The following GPC6 variants were observed in gnomAD, a reference collection of about 807,000 sequenced individuals.
The protein encoded by GPC6 is glypican 6, also known as glypican-6.
Under a neutral mutation model 55.2 loss-of-function variants are expected in GPC6, and 14 were observed. That is an observed-to-expected ratio of 0.25 (90% CI 0.17 to 0.40). GPC6 has a LOEUF of 0.40. GPC6 is among the 10% of genes least tolerant of loss of function. GPC6 has a pLI of 1.00. For synonymous variants in GPC6, 278 were observed against 259.6 expected (o/e 1.07, Z -0.68); for missense variants, 641 against 708.5 (o/e 0.90, Z 1.08).
intron 2 of GPC6, among the ~76,000 whole-genome samples, chr13:93,775,394 G>A (rs774593374): frequency 2.6e-5 from 4 of 152,162 alleles, no homozygotes; most frequent in Admixed American, 6.6e-5. Flanking sequence ...AGTCATCTAG[G>A]TTTTAGGTTT....
At chr13:94,209,466 T>A (rs1890007470) in intron 4 of GPC6, among the ~76,000 whole-genome samples, 1 of 152,306 alleles carries the variant, frequency 6.6e-6, no homozygotes, top group South Asian at 2.1e-4. Context: ...TAAATCTATA[T>A]TTAGTCAGTG....
At chr13:93,350,121 TC>T (rs1397461595) in intron 1 of GPC6, among the ~76,000 whole-genome samples, 1 of 152,208 alleles carries the variant, frequency 6.6e-6, no homozygotes, top group East Asian at 1.9e-4. Context: ...TATAATCAAA[TC>T]ATTTTTGGTT....
At chr13:94,387,766 G>C (rs867588385) in intron 7 of GPC6, among the ~76,000 whole-genome samples, 8 of 61,422 alleles carry the variant, frequency 1.3e-4, no homozygotes, top group Middle Eastern at 8.1e-3. Flanking sequence ...CTCTCTCTCT[G>C]CCGTGTGAGG....
At chr13:93,584,852 C>T (rs537483932) in intron 2 of GPC6, among the ~76,000 whole-genome samples, 5 of 151,738 alleles carry the variant, frequency 3.3e-5, no homozygotes, top group Non-Finnish European at 7.4e-5. Context: ...CCATGTTCAG[C>T]GAATTTTTTT....
intron 4 of GPC6, among the ~76,000 whole-genome samples, chr13:94,047,991 A>C (rs1298691589): frequency 6.6e-6 from 1 of 152,056 alleles, no homozygotes; most frequent in East Asian, 1.9e-4. Flanking sequence ...AACACTTGAG[A>C]AATATTTAAC....
At chr13:93,432,589 T>A (rs187226890) in intron 1 of GPC6, among the ~76,000 whole-genome samples, 3 of 152,268 alleles carry the variant, frequency 2.0e-5, no homozygotes, top group South Asian at 2.1e-4. Flanking sequence ...GGAGAACTTG[T>A]AGTTTAAACC....
At chr13:93,432,832 G>T (rs191814412) in intron 1 of GPC6, among the ~76,000 whole-genome samples, 2 of 152,076 alleles carry the variant, frequency 1.3e-5, no homozygotes, top group Admixed American at 1.3e-4. Flanking sequence ...ATTTCTGAGG[G>T]TGAGGACAGC....
At chr13:93,545,540 T>C (rs920280615) in intron 2 of GPC6, 119 bp downstream of exon 2, 47 of 838,064 alleles carry the variant, frequency 5.6e-5, no homozygotes, top group Admixed American at 8.4e-5. Context: ...TAAATATTTA[T>C]AGCATTGTCT....
intron 2 of GPC6, among the ~76,000 whole-genome samples, chr13:93,652,067 A>T (rs1388945437): frequency 1.3e-5 from 2 of 152,220 alleles, no homozygotes; most frequent in African/African-American, 4.8e-5. Flanking sequence ...AAAACCATAT[A>T]GAAGTCCTAA....
chr13:94,299,945 G>A (rs999267678), intron 5 of GPC6, among the ~76,000 whole-genome samples: 6 of 152,044 alleles, frequency 3.9e-5, no homozygotes, highest in Non-Finnish European at 8.8e-5. Context: ...TTCATTCATT[G>A]ACACTGTAAT....
At chr13:93,326,460 A>G (rs964370232) in intron 1 of GPC6, among the ~76,000 whole-genome samples, 2 of 151,978 alleles carry the variant, frequency 1.3e-5, no homozygotes, top group African/African-American at 4.8e-5. Flanking sequence ...GCACACGCAC[A>G]CACACACACG....
At chr13:93,775,082 G>A (rs1443299125) in intron 2 of GPC6, among the ~76,000 whole-genome samples, 7 of 152,276 alleles carry the variant, frequency 4.6e-5, no homozygotes, top group Admixed American at 6.5e-5. Context: ...ATAACAACAC[G>A]TTCTGTACTT....
chr13:94,160,759 A>T (rs1287774567), intron 4 of GPC6, among the ~76,000 whole-genome samples: 2 of 152,188 alleles, frequency 1.3e-5, no homozygotes, highest in African/African-American at 4.8e-5. Flanking sequence ...CGTTTCGTTC[A>T]TGTATATATG....
chr13:93,779,511 G>T (rs1211737255), intron 2 of GPC6, among the ~76,000 whole-genome samples: 1 of 152,148 alleles, frequency 6.6e-6, no homozygotes, highest in Non-Finnish European at 1.5e-5. Flanking sequence ...TGAAGTTATA[G>T]TAATCCTGCA....
At chr13:93,665,998 A>G (rs973435236) in intron 2 of GPC6, among the ~76,000 whole-genome samples, 1 of 152,200 alleles carries the variant, frequency 6.6e-6, no homozygotes. Context: ...AATTGGCTCA[A>G]TCTTCAATGT....
At chr13:93,437,368 G>A (rs1877610333) in intron 1 of GPC6, among the ~76,000 whole-genome samples, 2 of 152,174 alleles carry the variant, frequency 1.3e-5, no homozygotes, top group Admixed American at 1.3e-4. Context: ...AGCCAAGGCA[G>A]GCTGAAGGCT....
rs544366268 is a variant in GPC6 at position 94,069,951 on chromosome 13, T to C, written c.877+42057T>C. On this transcript the variant is annotated intron_variant, in intron 4 of 8. Coordinates refer to ENST00000377047, the MANE Select transcript of GPC6 (RefSeq NM_005708.5). ...TCTTCCTGTTACCCAGTTCCAAAGT[T>C]GCTTCCACATTTTTGGGTATCTTTT... is the stretch of plus-strand genomic sequence containing the variant. Among the ~76,000 whole-genome samples the C allele has an allele frequency of 6.6e-5, 10 of 152,354 alleles. 1 individual carries two copies. In the South Asian group the frequency reaches 1.0e-3, roughly 16 times the overall value.
chr13:93,872,997 A>G (rs1889176865), intron 3 of GPC6, among the ~76,000 whole-genome samples: 1 of 152,024 alleles, frequency 6.6e-6, no homozygotes, highest in African/African-American at 2.4e-5. Context: ...AACAAAAGCT[A>G]CAAAATTGTA....
intron 3 of GPC6, among the ~76,000 whole-genome samples, chr13:93,907,513 T>A (rs959369416): frequency 5.9e-5 from 9 of 152,154 alleles, no homozygotes; most frequent in Non-Finnish European, 7.4e-5. Context: ...TGTGACCGAT[T>A]GTTTTTAATA....
Sources: gnomAD v4.1 joint callset for allele counts (sites outside exome capture counted in the v4.1 genomes callset) on GRCh38, gnomAD v4.1.1 for gene constraint, MANE v1.5 for transcripts, NCBI Gene and HGNC (gene_info 2026-07-23, HGNC 2026-07-21) for gene names.